PCDH9: variants seen among roughly 807,000 people sequenced by gnomAD.
The protein encoded by PCDH9 is protocadherin-9.
In PCDH9, 24 loss-of-function variants were observed where a neutral mutation model predicts 70.6. The ratio of observed to expected loss-of-function variants is 0.34; its 90% CI spans 0.25 to 0.48. The LOEUF (loss-of-function observed/expected upper bound fraction) is 0.48, where lower values mean the gene tolerates loss of function less well. PCDH9 is among the 20% of genes least tolerant of loss of function. The pLI, the probability that PCDH9 is intolerant of heterozygous loss-of-function variation, is 0.99. For missense variants in PCDH9, 1,281 were observed against 1,503.6 expected (o/e 0.85, Z 2.45); for synonymous variants, 562 against 558.5 (o/e 1.01, Z -0.09).
chr13:66,451,383 C>A (rs1958206162), intron 4 of PCDH9, among the ~76,000 whole-genome samples: 1 of 152,014 alleles, frequency 6.6e-6, no homozygotes, highest in South Asian at 2.1e-4. Flanking sequence ...TAAGTGGGGT[C>A]TATTATTTCA....
chr13:66,422,997 T>C (rs779398565), intron 4 of PCDH9, among the ~76,000 whole-genome samples: 33 of 152,072 alleles, frequency 2.2e-4, no homozygotes, highest in South Asian at 1.0e-3. Flanking sequence ...TCCCTAGCAA[T>C]ACAAACTACC....
chr13:66,804,621 A>G (rs1341190180), intron 3 of PCDH9, among the ~76,000 whole-genome samples: 1 of 152,166 alleles, frequency 6.6e-6, no homozygotes, highest in Non-Finnish European at 1.5e-5. Context: ...GTTCAAAGGA[A>G]TTTGTTGTTA....
chr13:66,793,211 T>G (rs2080189112), intron 3 of PCDH9, among the ~76,000 whole-genome samples: 1 of 152,128 alleles, frequency 6.6e-6, no homozygotes, highest in African/African-American at 2.4e-5. Context: ...TTCAAATGTC[T>G]ACAACTCACT....
intron 3 of PCDH9, among the ~76,000 whole-genome samples, chr13:66,708,621 G>A (rs2078749536): frequency 6.6e-6 from 1 of 152,092 alleles, no homozygotes; most frequent in Admixed American, 6.5e-5. Flanking sequence ...CTGTAAATAT[G>A]CATTATCAGT....
intron 2 of PCDH9, among the ~76,000 whole-genome samples, chr13:67,190,771 A>G (rs2088889018): frequency 6.6e-6 from 1 of 152,092 alleles, no homozygotes; most frequent in South Asian, 2.1e-4. Context: ...TTTTTAAAAC[A>G]TAGCAAAACC....
At chr13:66,940,313 T>C (rs1237992607) in intron 2 of PCDH9, among the ~76,000 whole-genome samples, 1 of 152,174 alleles carries the variant, frequency 6.6e-6, no homozygotes, top group Non-Finnish European at 1.5e-5. Context: ...GCTGAGTTCT[T>C]ATTCACAATC....
chr13:66,521,679 T>C (rs1959994441), intron 4 of PCDH9, among the ~76,000 whole-genome samples: 1 of 152,134 alleles, frequency 6.6e-6, no homozygotes, highest in African/African-American at 2.4e-5. Context: ...TAACAAAACA[T>C]GTGATTCAAT....
At chr13:67,127,400 T>C (rs917879293) in intron 2 of PCDH9, among the ~76,000 whole-genome samples, 8 of 152,166 alleles carry the variant, frequency 5.3e-5, no homozygotes, top group Non-Finnish European at 1.2e-4. Context: ...GGAGTGGTTT[T>C]CCTGTTGTGA....
At chr13:66,893,290 A>G (rs937737206) in intron 3 of PCDH9, among the ~76,000 whole-genome samples, 2 of 152,138 alleles carry the variant, frequency 1.3e-5, no homozygotes, top group African/African-American at 4.8e-5. Context: ...CTAACAGAAG[A>G]GGTAACTGAT....
intron 4 of PCDH9, among the ~76,000 whole-genome samples, chr13:66,548,958 AG>A (rs1350458119): frequency 1.3e-5 from 2 of 152,086 alleles, no homozygotes; most frequent in African/African-American, 2.4e-5. Flanking sequence ...TTTGTTAAAA[AG>A]GAAGTTTTTA....
chr13:66,816,719 G>A (rs1034667295), intron 3 of PCDH9, among the ~76,000 whole-genome samples: 5 of 152,082 alleles, frequency 3.3e-5, no homozygotes, highest in African/African-American at 4.8e-5. Context: ...TCAAGAGTTC[G>A]AGACCAGTGT....
intron 2 of PCDH9, among the ~76,000 whole-genome samples, chr13:67,128,426 A>G (rs1383660223): frequency 6.6e-6 from 1 of 152,224 alleles, no homozygotes; most frequent in Non-Finnish European, 1.5e-5. Context: ...CTGAAAAGTT[A>G]TTGAAATGTG....
At chr13:67,155,761 T>C (rs1289710018) in intron 2 of PCDH9, among the ~76,000 whole-genome samples, 3 of 152,032 alleles carry the variant, frequency 2.0e-5, no homozygotes, top group African/African-American at 7.2e-5. Flanking sequence ...AAAAGGAAGC[T>C]GTTTTGTGGG....
At chr13:66,788,116 A>G (rs1030386283) in intron 3 of PCDH9, among the ~76,000 whole-genome samples, 3 of 152,168 alleles carry the variant, frequency 2.0e-5, no homozygotes, top group Non-Finnish European at 4.4e-5. Context: ...TATAAACACC[A>G]TAATTTATTT....
At chr13:66,359,412 C>A (rs549670926) in intron 4 of PCDH9, among the ~76,000 whole-genome samples, 1 of 151,842 alleles carries the variant, frequency 6.6e-6, no homozygotes, top group Non-Finnish European at 1.5e-5. Context: ...TGGTGGGTGC[C>A]GGTTGTTTTT....
chr13:67,128,072 T>C (rs1454821625), intron 2 of PCDH9, among the ~76,000 whole-genome samples: 4 of 152,256 alleles, frequency 2.6e-5, no homozygotes, highest in Admixed American at 6.5e-5. Flanking sequence ...ATTAGTTAAA[T>C]TGTAGCCCCA....
At chr13:66,373,331 C>T (rs1169447533) in intron 4 of PCDH9, among the ~76,000 whole-genome samples, 2 of 151,674 alleles carry the variant, frequency 1.3e-5, no homozygotes, top group South Asian at 2.1e-4. Flanking sequence ...CCAGTGGTGG[C>T]GGGTTGGGGG....
rs139822717 is a variant in PCDH9 at position 66,880,899 on chromosome 13, A to G, written c.3138+22605T>C. On this transcript the variant is annotated intron_variant, in intron 3 of 4. Coordinates refer to ENST00000377865, the MANE Select transcript of PCDH9 (RefSeq NM_203487.3). The stretch of plus-strand genomic sequence containing the variant: ...AGTGTGATGTTGTGGTAACAATTGC[A>G]GGTTCTACAGTCACAATTCAAATCC... Among the ~76,000 whole-genome samples the G allele has an allele frequency of 8.0e-3, 1,220 of 152,336 alleles. 15 individuals carry two copies. Among genetic ancestry groups the G allele is most frequent in the African/African-American group, 0.027 (1,137 of 41,572 alleles).
chr13:67,013,468 A>T (rs2084494080), intron 2 of PCDH9, among the ~76,000 whole-genome samples: 1 of 152,020 alleles, frequency 6.6e-6, no homozygotes, highest in Non-Finnish European at 1.5e-5. Flanking sequence ...TGTGGTAAAC[A>T]GCTGCATGCA....
Sources: allele counts gnomAD v4.1 joint callset (sites outside exome capture counted in the v4.1 genomes callset), GRCh38; gene constraint gnomAD v4.1.1; transcripts MANE v1.5; gene names NCBI Gene and HGNC (gene_info 2026-07-23, HGNC 2026-07-21).